GYG1: variants seen among roughly 807,000 people sequenced by gnomAD.
GYG1 encodes the protein glycogenin-1.
A neutral mutation model predicts 41.9 loss-of-function variants in GYG1; 44 were observed. The ratio of observed to expected loss-of-function variants is 1.05; its 90% confidence interval spans 0.83 to 1.35. The LOEUF (loss-of-function observed/expected upper bound fraction) is 1.35, where lower values mean the gene tolerates loss of function less well. Ranked by LOEUF, GYG1 falls within the 40% of genes most tolerant of loss-of-function variation. The pLI is 0.00. For missense variants in GYG1, 429 were observed against 418.9 expected (o/e 1.02, Z -0.21); for synonymous variants, 141 against 158.1 (o/e 0.89, Z 0.81).
chr3:149,020,048 CCCTTAGACAATGT>C (rs1428187937), intron 5 of GYG1, among the ~76,000 whole-genome samples: 3 of 152,068 alleles, frequency 2.0e-5, no homozygotes, highest in Admixed American at 6.5e-5. Context: ...GCTGGGGAGG[CCCTTAGACAATGT>C]CCAGCACAGT....
chr3:148,993,782 T>G (rs1267011416), intron 1 of GYG1, among the ~76,000 whole-genome samples: 1 of 152,210 alleles, frequency 6.6e-6, no homozygotes, highest in Non-Finnish European at 1.5e-5. Flanking sequence ...CTGTCTACAG[T>G]ACCTTGTAGA....
intron 4 of GYG1, among the ~76,000 whole-genome samples, chr3:149,005,000 T>C (rs906606721): frequency 1.3e-5 from 2 of 152,216 alleles, no homozygotes; most frequent in African/African-American, 4.8e-5. Context: ...TTGGAAGTTC[T>C]ACTTTACAAC....
chr3:149,004,315 A>G (rs1196891408), intron 4 of GYG1, among the ~76,000 whole-genome samples: 2 of 152,248 alleles, frequency 1.3e-5, no homozygotes, highest in East Asian at 3.8e-4. Flanking sequence ...AAGTCTGACT[A>G]AAATGTATCG....
intron 7 of GYG1, 95 bp downstream of exon 7, chr3:149,026,597 A>G: frequency 9.7e-7 from 1 of 1,029,834 alleles, no homozygotes; most frequent in Non-Finnish European, 1.5e-6. Flanking sequence ...AAAATCATAT[A>G]ATCTATATTT....
intron 5 of GYG1, among the ~76,000 whole-genome samples, chr3:149,013,060 G>A (rs1387157691): frequency 6.8e-6 from 1 of 147,670 alleles, no homozygotes; most frequent in East Asian, 2.0e-4. Flanking sequence ...TTGCCATGTT[G>A]CCCAGACTGG....
At chr3:149,011,813 C>T (rs967863491) in intron 5 of GYG1, among the ~76,000 whole-genome samples, 1 of 152,100 alleles carries the variant, frequency 6.6e-6, no homozygotes, top group Non-Finnish European at 1.5e-5. Context: ...TTATTGTAAC[C>T]ATAGAGAATA....
rs1712832592 is a variant in GYG1, at chr3:148,996,919, T to C, written c.481+15T>C. ...TAGTTTTGATGGTATGTATTTGCTA[T>C]CTTCATGTCTGATAAGCTGTTAATA... On this transcript the variant is annotated intron_variant, in intron 4 of 7. Transcript: ENST00000345003. 1.9e-6 allele frequency: 3 copies of C among 1,592,152 alleles called. No individual in the cohort carries two copies. The Admixed American group carries it at 5.0e-5, about 27-fold the overall frequency.
At position 148,994,181 on chromosome 3, in the gene GYG1, C is replaced by G; in HGVS notation, c.47C>G (p.Ala16Gly). The G allele has an allele frequency of 6.2e-7, 1 of 1,613,846 alleles. No homozygotes were observed. Among genetic ancestry groups the G allele is most frequent in the Non-Finnish European group, 8.5e-7 (1 of 1,179,848 alleles). ...FVTLTTNDAY[A>G]KGALVLGSSL... ...ACACTAACCACAAACGATGCCTACG[C>G]CAAAGGTGCCCTGGTCCTGGGATCA... Residue 16 changes from alanine to glycine, a missense_variant, in exon 2 of 8, where the codon GCC becomes GGC. Physicochemically the swap from Ala to Gly is moderately conservative, Grantham distance 60. Transcript: ENST00000345003.
At position 149,031,271 on chromosome 3, in the gene GYG1, A is replaced by G. The variant is rs1298494218; in HGVS notation, c.*4338A>G. 6.5e-6 allele frequency: 1 copy of G among 152,674 alleles called. No individual in the cohort carries two copies. Among genetic ancestry groups the G allele is most frequent in the African/African-American group, 2.4e-5 (1 of 41,458 alleles). The allele number at this position is 152,674 out of a possible 1,614,324, so 9.5% of individuals were successfully genotyped here. ...AAACACATAACAATTGTTTACATTC[A>G]GGATTAAGATGTCTTTAAGAGTTGA... On this transcript the variant is annotated 3_prime_UTR_variant, in exon 8 of 8. Transcript: ENST00000345003.
At chr3:149,022,498 C>CTTTTTTTTTTTTTTTTTTCTTTTTTTTT (rs71617495) in intron 5 of GYG1, among the ~76,000 whole-genome samples, 1 of 69,588 alleles carries the variant, frequency 1.4e-5, no homozygotes, top group Non-Finnish European at 2.6e-5. Context: ...CTTGTTTTGC[C>CTTTTTTTTTTTTTTTTTTCTTTTTTTTT]TTTTTTTTTT....
rs1714722871 is a variant in GYG1 at position 149,027,516 on chromosome 3, T to A, written c.*583T>A. The A allele has an allele frequency of 6.4e-6, 1 of 155,162 alleles. No homozygotes were observed. Among genetic ancestry groups the A allele is most frequent in the Non-Finnish European group, 1.4e-5 (1 of 69,610 alleles). 9.6% of individuals were successfully genotyped at this position (155,162 alleles called of 1,614,324 possible). A position where few individuals can be genotyped will look rare whatever the true frequency, so the allele number is the denominator to read the frequency against. ...ATGCTCACCAGTTTTCTGTGTACAG[T>A]AAGGCAGCATGCTAAAATGCTTTTG... On this transcript the variant is annotated 3_prime_UTR_variant, in exon 8 of 8. Transcript: ENST00000345003.
Position 148,996,445 on chromosome 3 carries a change from C to T in GYG1, c.287C>T (p.Ser96Leu). 6.2e-7 allele frequency: 1 copy of T among 1,613,796 alleles called. No individual in the cohort carries two copies. Among genetic ancestry groups the T allele is most frequent in the Non-Finnish European group, 8.5e-7 (1 of 1,179,752 alleles). The change falls in exon 3 of 8, where the codon TCA becomes TTA. Residue 96 changes from serine to leucine, a missense_variant. Physicochemically the swap from Ser to Leu is moderately radical, Grantham distance 145 (BLOSUM62 -2). Coordinates refer to ENST00000345003, the MANE Select transcript of GYG1 (RefSeq NM_004130.4). ...KLHCWSLTQY[S>L]KCVFMDADTL... ...CACTGCTGGTCGCTTACACAGTATT[C>T]AAAATGTGTATTCATGGATGCAGAT...
chr3:148,994,062 C>G, intron 1 of GYG1, 80 bp from the exon 2 acceptor site: 1 of 1,275,364 alleles, frequency 7.8e-7, no homozygotes, highest in East Asian at 2.3e-5. Context: ...TGCTGAATTA[C>G]TGTTTGAATG....
rs34268321 is a variant in GYG1 at position 149,006,080 on chromosome 3, C to CTTTTTT, written c.482-3181_482-3176dup. ...CATCACAAGGACCCTTCATCATATT[C>CTTTTTT]TTTTTTTTTTTTTTTTTTTTGAGAC... On this transcript the variant is annotated intron_variant, in intron 4 of 7. Coordinates refer to ENST00000345003, the MANE Select transcript of GYG1 (RefSeq NM_004130.4). Among the ~76,000 whole-genome samples, 23 of 117,218 alleles carry CTTTTTT rather than the reference C, an allele frequency of 2.0e-4. 1 individual carries two copies. The highest frequency in any genetic ancestry group is 2.4e-4 in the East Asian group (1 of 4,180). The allele number at this position is 117,218 out of a possible 152,430, so 76.9% of individuals were successfully genotyped here.
intron 4 of GYG1, among the ~76,000 whole-genome samples, chr3:148,997,394 T>C (rs1712863530): frequency 6.6e-6 from 1 of 152,226 alleles, no homozygotes; most frequent in South Asian, 2.1e-4. Flanking sequence ...GAATAATCTT[T>C]GCTTCCAAAC....
At chr3:149,014,853 G>C (rs1430526516) in intron 5 of GYG1, among the ~76,000 whole-genome samples, 1 of 135,422 alleles carries the variant, frequency 7.4e-6, no homozygotes, top group Non-Finnish European at 1.5e-5. Context: ...GGGTGACAGA[G>C]CAAGACTCTG....
chr3:149,026,778 A>G lies in GYG1; in HGVS notation c.898A>G (p.Ile300Val), dbSNP rs148024634. The change falls in exon 8 of 8, where the codon ATA (isoleucine) becomes GTA (valine). Residue 300 changes from isoleucine (I) to valine (V), a missense_variant. Ile to Val is a conservative substitution (Grantham distance 29). Transcript: ENST00000345003. Reference sequence around the variant, plus strand: ...TTTCTAGGAAGATGTCTCAGGAGCCATATCACATCTGTCCCTTGGGGAGAT... The same window carrying G: ...TTTCTAGGAAGATGTCTCAGGAGCCGTATCACATCTGTCCCTTGGGGAGAT... ...FCRKEDVSGA[I>V]SHLSLGEIPA... 51 of 1,611,682 alleles carry G rather than the reference A, an allele frequency of 3.2e-5. No homozygotes were observed. Among genetic ancestry groups the G allele is most frequent in the Non-Finnish European group, 4.1e-5 (48 of 1,177,852 alleles).
chr3:148,998,027 TAAA>T (rs895383082), intron 4 of GYG1, among the ~76,000 whole-genome samples: 4 of 152,194 alleles, frequency 2.6e-5, no homozygotes, highest in East Asian at 1.9e-4. Flanking sequence ...GTTAGAAAGT[TAAA>T]AAAATATTAA....
chr3:149,016,248 A>G lies in GYG1; in HGVS notation c.608+6846A>G, dbSNP rs373381111. On this transcript the variant is annotated intron_variant, in intron 5 of 7. Coordinates refer to ENST00000345003, the MANE Select transcript of GYG1 (RefSeq NM_004130.4). ...TGCTCTCCAGCCTGGGTGACAGAGC[A>G]AGACTCCGTCTCAAAAAAAAAAAAA... Among the ~76,000 whole-genome samples the G allele has an allele frequency of 2.5e-4, 35 of 139,562 alleles. 1 individual carries two copies. Among genetic ancestry groups the G allele is most frequent in the African/African-American group, 9.5e-4 (35 of 36,692 alleles). The allele number at this position is 139,562 out of a possible 152,430, so 91.6% of individuals were successfully genotyped here.
Sources: gnomAD v4.1 joint callset for allele counts (sites outside exome capture counted in the v4.1 genomes callset) on GRCh38, gnomAD v4.1.1 for gene constraint, MANE v1.5 for transcripts, NCBI Gene and HGNC (gene_info 2026-07-23, HGNC 2026-07-21) for gene names.